PLEKHG5: variants seen among roughly 807,000 people sequenced by gnomAD.
PLEKHG5 encodes the protein pleckstrin homology and RhoGEF domain containing G5, also known as pleckstrin homology domain-containing family G member 5.
PLEKHG5 carries 52 observed loss-of-function variants against 103.8 expected under a neutral mutation model. That is an observed-to-expected ratio of 0.50 (90% CI 0.40 to 0.63). The LOEUF is 0.63. PLEKHG5 is among the 30% of genes least tolerant of loss of function. The probability of loss-of-function intolerance (pLI) is 0.00; values close to 1 mark genes in which losing one functional copy is unlikely to be tolerated. For synonymous variants in PLEKHG5, 592 were observed against 575.5 expected (o/e 1.03, Z -0.41); for missense variants, 1,205 against 1,347.6 (o/e 0.89, Z 1.66).
At chr1:6,497,306 C>G (rs1446986636), upstream of PLEKHG5, 3 of 1,111,772 alleles carry the variant, frequency 2.7e-6, no homozygotes, top group African/African-American at 4.9e-5. This position sits in a 1 kb window ranked among gnomAD's most constrained non-coding sequence, Gnocchi z 6.1. Context: ...CGCCGGGTCC[C>G]CGCCTGCACT....
chr1:6,468,364 T>TG lies in PLEKHG5; in HGVS notation c.2471dup (p.Thr825AsnfsTer53). The stretch of plus-strand genomic sequence containing the variant: ...GGGCCACAAAGTCTTGTAAGGAGGT[T>TG]GGGGAGAGGGTGCCGTAGGCAGAGT... On this transcript the variant is annotated frameshift_variant, in exon 20 of 21. Transcript: ENST00000377728. LOFTEE classifies it high-confidence loss of function. 1.2e-6 allele frequency: 2 copies of TG among 1,609,270 alleles called. No homozygotes were observed. The highest frequency in any genetic ancestry group is 1.7e-6 in the Non-Finnish European group (2 of 1,178,292).
chr1:6,474,373 C>T lies in PLEKHG5; in HGVS notation c.439+78G>A, dbSNP rs1644694386. The stretch of plus-strand genomic sequence containing the variant: ...GCTCAGGCCCACGACCAATGGGAAC[C>T]TGAGCCTGGGAAGGGCGCCCATCTC... On this transcript the variant is annotated intron_variant, in intron 6 of 20. Transcript: ENST00000377728. 1.9e-6 allele frequency: 3 copies of T among 1,563,468 alleles called. No homozygotes were observed. In the Admixed American group the frequency reaches 5.2e-5, roughly 27 times the overall value.
At chr1:6,496,493 C>T, upstream of PLEKHG5, 2 of 1,604,594 alleles carry the variant, frequency 1.2e-6, no homozygotes, top group African/African-American at 2.7e-5. Context: ...GCCTCCCTAC[C>T]TTGGCCGCCC....
chr1:6,484,704 C>T (rs1395602618), intron 1 of PLEKHG5, among the ~76,000 whole-genome samples: 1 of 152,152 alleles, frequency 6.6e-6, no homozygotes, highest in Non-Finnish European at 1.5e-5. Flanking sequence ...CCCTCCCTCA[C>T]CTGCCTGCCT....
chr1:6,468,342 C>A lies in PLEKHG5; in HGVS notation c.2494G>T (p.Ala832Ser). ...ACTAGCTCTGCCATTGGGCCTGGGGCCACAAAGTCTTGTAAGGAGGTTGGG... is the reference window on the plus strand; with the variant it reads ...ACTAGCTCTGCCATTGGGCCTGGGGACACAAAGTCTTGTAAGGAGGTTGGG... ...LSPTSLQDFV[A>S]PGPMAELVPR... is the part of the protein sequence containing the mutation. Residue 832 changes from alanine to serine, a missense_variant, in exon 20 of 21, where the codon GCC (alanine) becomes TCC (serine). Coordinates refer to ENST00000377728, the MANE Select transcript of PLEKHG5 (RefSeq NM_020631.6). 1 of 1,609,422 alleles carries A rather than the reference C, an allele frequency of 6.2e-7. No individual in the cohort carries two copies.
intron 1 of PLEKHG5, among the ~76,000 whole-genome samples, chr1:6,489,639 C>A (rs1449530655): frequency 5.3e-5 from 8 of 152,200 alleles, no homozygotes; most frequent in Admixed American, 5.2e-4. Context: ...AAGCCCTTCC[C>A]CGGTGCAACT....
chr1:6,497,772 G>A (rs1334944490), upstream of PLEKHG5, among the ~76,000 whole-genome samples: 4 of 152,170 alleles, frequency 2.6e-5, no homozygotes, highest in Non-Finnish European at 2.9e-5. The surrounding 1 kb of genome is among the most constrained non-coding windows in gnomAD (Gnocchi z 6.1). Context: ...GCTGCCCCGC[G>A]CAGGGTGAGG....
At chr1:6,467,744 A>G in intron 20 of PLEKHG5, 81 bp downstream of exon 20, 16 of 1,557,674 alleles carry the variant, frequency 1.0e-5, no homozygotes, top group Non-Finnish European at 1.4e-5. Flanking sequence ...GACCCTCCCC[A>G]AATGCGATGC....
rs41278014 is a variant in PLEKHG5 at position 6,519,593 on chromosome 1, G to C, written c.-313C>G. 0.12 allele frequency: 121,679 copies of C among 1,025,932 alleles called. 8,290 individuals are homozygous for C. Among genetic ancestry groups the C allele is most frequent in the African/African-American group, 0.25 (16,066 of 63,610 alleles). 63.6% of individuals were successfully genotyped at this position (1,025,932 alleles called of 1,614,324 possible). A position where few individuals can be genotyped will look rare whatever the true frequency, so the allele number is the denominator to read the frequency against. On this transcript the variant is annotated 5_prime_UTR_variant, in exon 1 of 22. Coordinates refer to the PLEKHG5 transcript ENST00000377740. Reference sequence around the variant, plus strand: ...ACAGGCCTCTCTAATCAGACACACAGGTCTCCGTCCTGCTTTGCCCAGTTG... The same window carrying C: ...ACAGGCCTCTCTAATCAGACACACACGTCTCCGTCCTGCTTTGCCCAGTTG...
intron 1 of PLEKHG5, among the ~76,000 whole-genome samples, chr1:6,512,010 C>G (rs912549446): frequency 6.6e-6 from 1 of 152,212 alleles, no homozygotes; most frequent in Non-Finnish European, 1.5e-5. Context: ...ACACTAACAT[C>G]TGCCGGTGTC....
At chr1:6,491,854 A>C (rs1645155435), upstream of PLEKHG5, among the ~76,000 whole-genome samples, 1 of 152,108 alleles carries the variant, frequency 6.6e-6, no homozygotes, top group Admixed American at 6.5e-5. This position sits in a 1 kb window ranked among gnomAD's most constrained non-coding sequence, Gnocchi z 4.1. Context: ...CTTCTTGCAT[A>C]TGTCTAGTGA....
intron 1 of PLEKHG5, among the ~76,000 whole-genome samples, chr1:6,507,365 G>T (rs926703570): frequency 1.3e-5 from 2 of 151,924 alleles, no homozygotes; most frequent in South Asian, 4.1e-4. Context: ...GGGGGAGAAG[G>T]TGGGGGTGAT....
chr1:6,477,617 C>T lies in PLEKHG5; in HGVS notation c.-46G>A, dbSNP rs751444302. The T allele has an allele frequency of 3.9e-5, 62 of 1,609,234 alleles. No individual in the cohort carries two copies. In the East Asian group the frequency reaches 1.3e-3, roughly 34 times the overall value. ...CACAGGCCTCGCAGAGGTTGAGGGG[C>T]CCCCGGCGGTGCAGCTGCTGGCAGT... On this transcript the variant is annotated 5_prime_UTR_variant, in exon 2 of 21. Coordinates refer to ENST00000377728, the MANE Select transcript of PLEKHG5 (RefSeq NM_020631.6).
chr1:6,481,524 A>AAAATAAAT (rs199883420), intron 1 of PLEKHG5, among the ~76,000 whole-genome samples: 3,011 of 144,186 alleles, frequency 0.021, 122 homozygotes, highest in East Asian at 0.18. Flanking sequence ...ACTCCGTCTC[A>AAAATAAAT]AAATAAATAA....
chr1:6,499,303 C>T (rs1233375515), upstream of PLEKHG5, among the ~76,000 whole-genome samples: 1 of 152,202 alleles, frequency 6.6e-6, no homozygotes, highest in Non-Finnish European at 1.5e-5. Context: ...CCTGACTATC[C>T]TGTGGCCTCT....
rs746636125 is a variant in PLEKHG5, at chr1:6,477,576, C to T, written c.-5G>A. 6.2e-6 allele frequency: 10 copies of T among 1,612,414 alleles called. No homozygotes were observed. The Admixed American group carries it at 1.2e-4, about 19-fold the overall frequency. Reference sequence around the variant, plus strand: ...GACATGCCCATCATAATGCATGGTGCTGTGGAACTTGCTGTCACAGGCCTC... The same window carrying T: ...GACATGCCCATCATAATGCATGGTGTTGTGGAACTTGCTGTCACAGGCCTC... On this transcript the variant is annotated 5_prime_UTR_variant, in exon 2 of 21. Transcript: ENST00000377728.
rs1214467947 is a variant in PLEKHG5, at chr1:6,491,143, T to G, written c.-88+494A>C. Among the ~76,000 whole-genome samples the G allele has an allele frequency of 6.6e-6, 1 of 152,002 alleles. No homozygotes were observed. Among genetic ancestry groups the G allele is most frequent in the Admixed American group, 6.5e-5 (1 of 15,272 alleles). Reference sequence around the variant, plus strand: ...ATATGGCCGGAAAAGGGTGCTGTTCTGCCATTTAGTGGTTCCCAGTTCCCC... The same window carrying G: ...ATATGGCCGGAAAAGGGTGCTGTTCGGCCATTTAGTGGTTCCCAGTTCCCC... On this transcript the variant is annotated intron_variant, in intron 1 of 20. Transcript: ENST00000377728. This position sits in a 1 kb window ranked among gnomAD's most constrained non-coding sequence, Gnocchi z 4.1.
At chr1:6,470,475 G>A (rs761430154) in intron 15 of PLEKHG5, 31 bp downstream of exon 15, 4 of 1,610,682 alleles carry the variant, frequency 2.5e-6, no homozygotes, top group African/African-American at 2.7e-5. Flanking sequence ...CTCTCTCCCA[G>A]CCGGCAACCC....
chr1:6,468,534 C>A lies in PLEKHG5; in HGVS notation c.2302G>T (p.Asp768Tyr). Residue 768 changes from aspartate (D) to tyrosine (Y), a missense_variant, in exon 20 of 21, where the codon GAC becomes TAC. Transcript: ENST00000377728. ...TCGAACTCGGGGGAGGACAGCGTGTCCCCAGGCTCTACCACAACCATGGCC... is the reference window on the plus strand; with the variant it reads ...TCGAACTCGGGGGAGGACAGCGTGTACCCAGGCTCTACCACAACCATGGCC... ...TLAMVVVEPG[D>Y]TLSSPEFDSG... is the part of the protein sequence containing the mutation. 6.2e-7 allele frequency: 1 copy of A among 1,612,986 alleles called. No individual in the cohort carries two copies. Among genetic ancestry groups the A allele is most frequent in the African/African-American group, 1.3e-5 (1 of 75,012 alleles).
Sources: gnomAD v4.1 joint callset for allele counts (sites outside exome capture counted in the v4.1 genomes callset) on GRCh38, gnomAD v4.1.1 for gene constraint, Gnocchi (gnomAD v3.1) non-coding constraint, MANE v1.5 for transcripts, NCBI Gene and HGNC (gene_info 2026-07-23, HGNC 2026-07-21) for gene names.